Variants in NAALADL2 observed in about 807,000 individuals in gnomAD.
NAALADL2 encodes the protein N-acetylated alpha-linked acidic dipeptidase like 2, also known as inactive N-acetylated-alpha-linked acidic dipeptidase-like protein 2.
In NAALADL2, 76 loss-of-function variants were observed where a neutral mutation model predicts 87.2. That is an observed-to-expected ratio of 0.87 (90% CI 0.72 to 1.05). NAALADL2 has a LOEUF of 1.05. NAALADL2 is among the 50% of genes least tolerant of loss of function. The probability of loss-of-function intolerance (pLI) is 0.00; values close to 1 mark genes in which losing one functional copy is unlikely to be tolerated. For synonymous variants in NAALADL2, 354 were observed against 331.0 expected, an observed-to-expected ratio of 1.07 and a Z score of -0.75; for missense variants, 1,089 against 945.8, an observed-to-expected ratio of 1.15 and a Z score of -1.99.
At chr3:174,634,864 G>C (rs1722475168) in intron 2 of NAALADL2, among the ~76,000 whole-genome samples, 1 of 152,018 alleles carries the variant, frequency 6.6e-6, no homozygotes, top group South Asian at 2.1e-4. Flanking sequence ...ATATGACAAT[G>C]TTTATAATAG....
chr3:175,413,311 C>G (rs1713957019), intron 5 of NAALADL2, among the ~76,000 whole-genome samples: 1 of 151,034 alleles, frequency 6.6e-6, no homozygotes, highest in Admixed American at 6.6e-5. Context: ...GTGGCTCATG[C>G]CTGTAATCCC....
chr3:174,730,544 G>A (rs1000651142), intron 2 of NAALADL2, among the ~76,000 whole-genome samples: 1 of 152,116 alleles, frequency 6.6e-6, no homozygotes, highest in Non-Finnish European at 1.5e-5. Flanking sequence ...TTAGGCATAT[G>A]AAATTTATGT....
intron 1 of NAALADL2, among the ~76,000 whole-genome samples, chr3:174,981,921 T>C (rs1476233123): frequency 1.3e-5 from 2 of 152,178 alleles, no homozygotes; most frequent in Non-Finnish European, 2.9e-5. Context: ...AAAGAGCGGC[T>C]CCTCCCTGCT....
At chr3:174,892,131 A>G (rs748445485) in intron 1 of NAALADL2, among the ~76,000 whole-genome samples, 1 of 152,176 alleles carries the variant, frequency 6.6e-6, no homozygotes, top group Non-Finnish European at 1.5e-5. Flanking sequence ...GGTAAAGACT[A>G]CGATAAATAC....
At chr3:174,939,820 A>G (rs960263379) in intron 1 of NAALADL2, among the ~76,000 whole-genome samples, 1 of 151,910 alleles carries the variant, frequency 6.6e-6, no homozygotes, top group African/African-American at 2.4e-5. Context: ...CTGTTGTGGT[A>G]TATAGCAATG....
intron 13 of NAALADL2, among the ~76,000 whole-genome samples, chr3:175,758,512 T>C (rs1747571060): frequency 1.3e-5 from 2 of 152,068 alleles, no homozygotes; most frequent in Non-Finnish European, 2.9e-5. Context: ...AATTTGTACT[T>C]CATTTATAAA....
intron 1 of NAALADL2, among the ~76,000 whole-genome samples, chr3:174,870,726 A>G (rs1005201873): frequency 1.3e-5 from 2 of 152,278 alleles, no homozygotes; most frequent in Non-Finnish European, 2.9e-5. Flanking sequence ...GAGCTACTTT[A>G]AAAAAATAGA....
intron 3 of NAALADL2, among the ~76,000 whole-genome samples, chr3:174,791,239 G>A (rs2109202350): frequency 6.6e-6 from 1 of 152,268 alleles, no homozygotes; most frequent in Non-Finnish European, 1.5e-5. Flanking sequence ...ATTCTTTCCA[G>A]ACCCCTCTCT....
At chr3:175,719,769 A>G (rs1741961781) in intron 11 of NAALADL2, among the ~76,000 whole-genome samples, 1 of 152,198 alleles carries the variant, frequency 6.6e-6, no homozygotes, top group Non-Finnish European at 1.5e-5. Flanking sequence ...TAAACTCAGT[A>G]GCTTATAAAC....
chr3:175,598,649 G>A (rs1298927616), intron 10 of NAALADL2, among the ~76,000 whole-genome samples: 1 of 152,002 alleles, frequency 6.6e-6, no homozygotes, highest in African/African-American at 2.4e-5. Context: ...TATCTCATAG[G>A]TCTTCAAATG....
At chr3:174,840,402 A>AT (rs1560276995) in intron 3 of NAALADL2, among the ~76,000 whole-genome samples, 1 of 152,160 alleles carries the variant, frequency 6.6e-6, no homozygotes, top group East Asian at 1.9e-4. Context: ...AGATAGGGTC[A>AT]TGTTTGCCCT....
At chr3:175,401,417 G>T (rs748534592) in intron 5 of NAALADL2, among the ~76,000 whole-genome samples, 1 of 152,038 alleles carries the variant, frequency 6.6e-6, no homozygotes, top group African/African-American at 2.4e-5. Flanking sequence ...TATTTTGAAT[G>T]GAATGTGTGT....
chr3:174,790,552 G>A (rs1193998971), intron 3 of NAALADL2, among the ~76,000 whole-genome samples: 1 of 151,932 alleles, frequency 6.6e-6, no homozygotes, highest in Non-Finnish European at 1.5e-5. Context: ...CAAGGCTGAG[G>A]CAGGAGAATT....
chr3:175,240,977 T>C (rs1179672371), intron 3 of NAALADL2, among the ~76,000 whole-genome samples: 1 of 152,102 alleles, frequency 6.6e-6, no homozygotes, highest in Non-Finnish European at 1.5e-5. Flanking sequence ...TGAAGTTTTT[T>C]AATGGTGACA....
At chr3:175,567,762 C>T (rs1717425449) in intron 9 of NAALADL2, among the ~76,000 whole-genome samples, 1 of 149,962 alleles carries the variant, frequency 6.7e-6, no homozygotes, top group Non-Finnish European at 1.5e-5. Context: ...GTCACCCAGG[C>T]TGGAGTGCAG....
At chr3:175,572,905 A>T (rs1199217444) in intron 9 of NAALADL2, among the ~76,000 whole-genome samples, 1 of 152,132 alleles carries the variant, frequency 6.6e-6, no homozygotes, top group Non-Finnish European at 1.5e-5. Context: ...ATCTTGAAAA[A>T]AAAAAAAAAT....
intron 3 of NAALADL2, among the ~76,000 whole-genome samples, chr3:174,819,683 CTCTT>C (rs943886430): frequency 9.9e-5 from 15 of 152,212 alleles, no homozygotes; most frequent in African/African-American, 3.4e-4. Context: ...AACCAGAAAA[CTCTT>C]TCCTATAATT....
At position 175,685,431 on chromosome 3, in the gene NAALADL2, G is replaced by T. The variant is rs144646592; in HGVS notation, c.1897-51875G>T. Among the ~76,000 whole-genome samples, 931 of 150,300 alleles carry T rather than the reference G, an allele frequency of 6.2e-3. 9 individuals are homozygous for T. Among genetic ancestry groups the T allele is most frequent in the African/African-American group, 0.022 (877 of 40,488 alleles). Reference sequence around the variant, plus strand: ...CACATGGTGTCTTAGTGTTCTCAGAGAAATAGAACCAACAGGAGGTGTGTG... The same window carrying T: ...CACATGGTGTCTTAGTGTTCTCAGATAAATAGAACCAACAGGAGGTGTGTG... On this transcript the variant is annotated intron_variant, in intron 11 of 13. Coordinates refer to ENST00000454872, the MANE Select transcript of NAALADL2 (RefSeq NM_207015.3).
At chr3:175,463,628 T>A (rs1297611826) in intron 7 of NAALADL2, 135 bp downstream of exon 7, 3 of 439,362 alleles carry the variant, frequency 6.8e-6, no homozygotes, top group Non-Finnish European at 1.2e-5. Context: ...TTAGAGTAGA[T>A]AAATTTGAAA....
Sources: allele counts gnomAD v4.1 joint callset (sites outside exome capture counted in the v4.1 genomes callset), GRCh38; gene constraint gnomAD v4.1.1; transcripts MANE v1.5; gene names NCBI Gene and HGNC (gene_info 2026-07-23, HGNC 2026-07-21).